The following C10orf105 variants were observed in gnomAD, a reference collection of about 807,000 sequenced individuals.
C10orf105 encodes uncharacterized protein C10orf105.
In C10orf105, 2 loss-of-function variants were observed where a neutral mutation model predicts 0.6. That is an observed-to-expected ratio of 3.18 (90% CI 1.30 to 10.01). The LOEUF (loss-of-function observed/expected upper bound fraction) is 10.01. C10orf105 is among the 30% of genes most tolerant of loss of function. The pLI, the probability that C10orf105 is intolerant of heterozygous loss-of-function variation, is 0.04. For missense variants in C10orf105, 209 were observed against 191.4 expected, an observed-to-expected ratio of 1.09 and a Z score of -0.54; for synonymous variants, 95 against 82.4, an observed-to-expected ratio of 1.15 and a Z score of -0.83.
intron 1 of C10orf105, among the ~76,000 whole-genome samples, chr10:71,736,678 C>T (rs1839575078): frequency 6.6e-6 from 1 of 152,236 alleles, no homozygotes; most frequent in South Asian, 2.1e-4. Flanking sequence ...TGCCTTGCAG[C>T]CTCACCAAGA....
chr10:71,725,906 T>A (rs1382869579), intron 1 of C10orf105, among the ~76,000 whole-genome samples: 1 of 152,098 alleles, frequency 6.6e-6, no homozygotes, highest in African/African-American at 2.4e-5. Flanking sequence ...CACAGAGAAG[T>A]TGCTAGTGAT....
chr10:71,713,339 C>A lies in C10orf105; in HGVS notation c.*2597G>T. On this transcript the variant is annotated 3_prime_UTR_variant, in exon 2 of 2. Transcript: ENST00000441508. ...CCTGAAAACAATTTGGGTGTGCACC[C>A]ACACCTCTGCCCAGAGGCCTCAGTT... 1.3e-6 allele frequency: 1 copy of A among 773,890 alleles called. No individual in the cohort carries two copies. The highest frequency in any genetic ancestry group is 1.4e-5 in the South Asian group (1 of 73,750). The allele number at this position is 773,890 out of a possible 1,614,324, so 47.9% of individuals were successfully genotyped here.
chr10:71,735,684 C>T (rs1839543383), intron 1 of C10orf105, among the ~76,000 whole-genome samples: 2 of 152,362 alleles, frequency 1.3e-5, no homozygotes, highest in African/African-American at 4.8e-5. Context: ...AAGCCAAGAG[C>T]CAAACACAAT....
chr10:71,734,405 C>G, intron 1 of C10orf105: 1 of 1,517,434 alleles, frequency 6.6e-7, no homozygotes, highest in Non-Finnish European at 9.0e-7. Flanking sequence ...CACTTCCTAA[C>G]CCATGTCCTC....
Position 71,715,600 on chromosome 10 carries a change from G to A in C10orf105, c.*336C>T, listed in dbSNP as rs1462290226. On this transcript the variant is annotated 3_prime_UTR_variant, in exon 2 of 2. Transcript: ENST00000441508. ...ACCTGGAGGGCAAGGCTTCTGTGGC[G>A]AGCGAGGGTGCTGCTTCTAGGAGGT... 8 of 225,352 alleles carry A rather than the reference G, an allele frequency of 3.6e-5. No homozygotes were observed. Among genetic ancestry groups the A allele is most frequent in the Admixed American group, 5.5e-5 (1 of 18,120 alleles). The allele number at this position is 225,352 out of a possible 1,614,324, so 14.0% of individuals were successfully genotyped here.
At chr10:71,734,395 C>A in intron 1 of C10orf105, 1 of 1,544,288 alleles carries the variant, frequency 6.5e-7, no homozygotes, top group Non-Finnish European at 8.8e-7. Context: ...CTGGCCATGA[C>A]ACTTCCTAAC....
chr10:71,731,561 A>C (rs1203511002), intron 1 of C10orf105, among the ~76,000 whole-genome samples: 3 of 152,150 alleles, frequency 2.0e-5, no homozygotes, highest in Non-Finnish European at 4.4e-5. Flanking sequence ...GGTGTCCCTG[A>C]CACTGAAGCC....
At chr10:71,735,788 G>T (rs568883379) in intron 1 of C10orf105, among the ~76,000 whole-genome samples, 6 of 152,334 alleles carry the variant, frequency 3.9e-5, no homozygotes, top group African/African-American at 1.4e-4. Context: ...CCCTCCATCC[G>T]TGGGGCCAGC....
chr10:71,725,541 G>C, intron 1 of C10orf105: 2 of 1,608,540 alleles, frequency 1.2e-6, no homozygotes, highest in South Asian at 1.1e-5. Flanking sequence ...GGGCGGGCTG[G>C]GGTGCTGACC....
At chr10:71,716,687 T>C (rs866386823) in intron 1 of C10orf105, 2 of 220,686 alleles carry the variant, frequency 9.1e-6, no homozygotes, top group Non-Finnish European at 8.8e-6. Context: ...AGACCAACTC[T>C]GTCAATAACT....
At position 71,716,014 on chromosome 10, in the gene C10orf105, G is replaced by A. The variant is rs992981670; in HGVS notation, c.324C>T (p.Pro108=). The change falls in exon 2 of 2, where the codon CCC becomes CCT. Residue 108 remains proline, a synonymous_variant. Transcript: ENST00000441508. The part of the protein sequence containing the change: ...LSLHSFRHGR[P]TVPRQPLPGP... ...CCGGCAGGGGCTGTCGAGGGACGGT[G>A]GGCCGGCCATGGCGGAAGCTGTGCA... 6.7e-7 allele frequency: 1 copy of A among 1,501,616 alleles called. No individual in the cohort carries two copies. Among genetic ancestry groups the A allele is most frequent in the East Asian group, 2.5e-5 (1 of 40,318 alleles). The allele number at this position is 1,501,616 out of a possible 1,614,324, so 93.0% of individuals were successfully genotyped here.
At chr10:71,734,738 T>C in intron 1 of C10orf105, 1 of 907,650 alleles carries the variant, frequency 1.1e-6, no homozygotes, top group Non-Finnish European at 1.7e-6. Context: ...GCCCTGGACC[T>C]TCCCACCTCT....
At chr10:71,724,353 C>T (rs572783522), upstream of C10orf105, among the ~76,000 whole-genome samples, 30 of 152,296 alleles carry the variant, frequency 2.0e-4, no homozygotes, top group South Asian at 6.2e-4. Context: ...AGTGCAGTGG[C>T]GTGATCTCGG....
intron 1 of C10orf105, 69 bp from the exon 2 acceptor site, chr10:71,716,411 A>C (rs554875249): frequency 7.8e-7 from 1 of 1,280,112 alleles, no homozygotes; most frequent in East Asian, 2.6e-5. Flanking sequence ...TATAGGGAAG[A>C]CTTACCTAGG....
rs1400268404 is a variant in C10orf105 at position 71,715,915 on chromosome 10, G to T, written c.*21C>A. 6.9e-7 allele frequency: 1 copy of T among 1,447,142 alleles called. No individual in the cohort carries two copies. The highest frequency in any genetic ancestry group is 2.6e-5 in the East Asian group (1 of 38,576). The allele number at this position is 1,447,142 out of a possible 1,614,324, so 89.6% of individuals were successfully genotyped here. A position where few individuals can be genotyped will look rare whatever the true frequency, so the allele number is the denominator to read the frequency against. On this transcript the variant is annotated 3_prime_UTR_variant, in exon 2 of 2. Transcript: ENST00000441508. ...ACAGGTAGACCTAGGGGGATGTGGG[G>T]GCATGTTTGTGGACACCCCATTACA...
intron 1 of C10orf105, among the ~76,000 whole-genome samples, chr10:71,735,683 G>A (rs1271436135): frequency 6.6e-6 from 1 of 152,254 alleles, no homozygotes; most frequent in East Asian, 1.9e-4. Context: ...CAAGCCAAGA[G>A]CCAAACACAA....
At position 71,715,640 on chromosome 10, in the gene C10orf105, G is replaced by A. The variant is rs1012629178; in HGVS notation, c.*296C>T. On this transcript the variant is annotated 3_prime_UTR_variant, in exon 2 of 2. Coordinates refer to ENST00000441508, the MANE Select transcript of C10orf105 (RefSeq NM_001164375.3). The stretch of plus-strand genomic sequence containing the variant: ...TTCTAGGAGGTGGTTACGAGCCCCA[G>A]GTTGTACCCTGTGGAGCCTCAGGCC... 13 of 290,680 alleles carry A rather than the reference G, an allele frequency of 4.5e-5. No individual in the cohort carries two copies. Among genetic ancestry groups the A allele is most frequent in the Non-Finnish European group, 6.4e-5 (10 of 156,834 alleles). The allele number at this position is 290,680 out of a possible 1,614,324, so 18.0% of individuals were successfully genotyped here. A position where few individuals can be genotyped will look rare whatever the true frequency, so the allele number is the denominator to read the frequency against.
intron 1 of C10orf105, among the ~76,000 whole-genome samples, chr10:71,737,346 A>G (rs1343889911): frequency 6.6e-6 from 1 of 152,236 alleles, no homozygotes; most frequent in Non-Finnish European, 1.5e-5. Flanking sequence ...GAAATGGAAA[A>G]TCAGAGAGCT....
chr10:71,720,207 T>A (rs1269362971), upstream of C10orf105, among the ~76,000 whole-genome samples: 1 of 152,122 alleles, frequency 6.6e-6, no homozygotes, highest in Non-Finnish European at 1.5e-5. Context: ...TCCTGCAGCG[T>A]CCCTGGGCCC....
Sources: gnomAD v4.1 joint callset for allele counts (sites outside exome capture counted in the v4.1 genomes callset) on GRCh38, gnomAD v4.1.1 for gene constraint, MANE v1.5 for transcripts, NCBI Gene and HGNC (gene_info 2026-07-23, HGNC 2026-07-21) for gene names.